Variants in CBFA2T3 observed in about 807,000 individuals in gnomAD.
CBFA2T3 encodes transcriptional corepressor CBFA2T3.
Under a neutral mutation model 58.6 loss-of-function variants are expected in CBFA2T3, and 31 were observed. That is an observed-to-expected ratio of 0.53 (90% CI 0.40 to 0.71). The LOEUF (loss-of-function observed/expected upper bound fraction) is 0.71. CBFA2T3 is among the 30% of genes least tolerant of loss of function. CBFA2T3 has a pLI of 0.00. For missense variants in CBFA2T3, 1,076 were observed against 963.1 expected, an observed-to-expected ratio of 1.12 and a Z score of -1.55; for synonymous variants, 531 against 421.9, an observed-to-expected ratio of 1.26 and a Z score of -3.17.
chr16:88,900,554 C>T (rs978203678), intron 2 of CBFA2T3, among the ~76,000 whole-genome samples: 1 of 152,158 alleles, frequency 6.6e-6, no homozygotes, highest in Non-Finnish European at 1.5e-5. Flanking sequence ...GCAAGCAGGA[C>T]GGAAGTCTCA....
At position 88,921,718 on chromosome 16, in the gene CBFA2T3, G is replaced by A. The variant is rs1173194984; in HGVS notation, c.152-20062C>T. Among the ~76,000 whole-genome samples the A allele has an allele frequency of 2.0e-5, 3 of 152,354 alleles. No homozygotes were observed. The South Asian group carries it at 6.2e-4, about 32-fold the overall frequency. On this transcript the variant is annotated intron_variant, in intron 1 of 11. Transcript: ENST00000268679. Reference sequence around the variant, plus strand: ...CAGGACCCCTGGGAATTAGGATCCTGTCAGCTGCCATTTCCTGAGCCGTAC... The same window carrying A: ...CAGGACCCCTGGGAATTAGGATCCTATCAGCTGCCATTTCCTGAGCCGTAC...
intron 1 of CBFA2T3, among the ~76,000 whole-genome samples, chr16:88,956,714 G>A (rs1972228598): frequency 6.6e-6 from 1 of 152,210 alleles, no homozygotes; most frequent in African/African-American, 2.4e-5. Flanking sequence ...CGGAGCCCTG[G>A]GAGAAAGAGG....
chr16:88,917,852 G>A (rs1168719231), intron 1 of CBFA2T3, among the ~76,000 whole-genome samples: 2 of 152,180 alleles, frequency 1.3e-5, no homozygotes, highest in Non-Finnish European at 2.9e-5. Flanking sequence ...GTGGACGACA[G>A]AGTGGGTGCG....
intron 1 of CBFA2T3, among the ~76,000 whole-genome samples, chr16:88,943,739 C>T (rs546625297): frequency 3.9e-5 from 6 of 152,304 alleles, no homozygotes; most frequent in African/African-American, 1.2e-4. Context: ...TCAGCCACAC[C>T]GACTTCCTGC....
intron 1 of CBFA2T3, among the ~76,000 whole-genome samples, chr16:88,920,560 C>T (rs1009594764): frequency 2.6e-5 from 4 of 151,998 alleles, no homozygotes; most frequent in Non-Finnish European, 5.9e-5. Flanking sequence ...GCTGGGATTA[C>T]AGGCGGAAGC....
At chr16:88,928,193 GAGTTTGGGGTGGTTTGTTCGGC>G (rs1313703067) in intron 1 of CBFA2T3, among the ~76,000 whole-genome samples, 2 of 152,234 alleles carry the variant, frequency 1.3e-5, no homozygotes, top group Non-Finnish European at 2.9e-5. Context: ...TCACGCCTCT[GAGTTTGGGGTGGTTTGTTCGGC>G]AGCACTGGGG....
chr16:88,895,456 C>T (rs1367127605), intron 3 of CBFA2T3, among the ~76,000 whole-genome samples: 4 of 152,212 alleles, frequency 2.6e-5, no homozygotes, highest in African/African-American at 4.8e-5. Flanking sequence ...ACATCCCATG[C>T]GGCAAATGGG....
intron 5 of CBFA2T3, among the ~76,000 whole-genome samples, chr16:88,888,141 C>G (rs747661223): frequency 2.9e-4 from 44 of 152,142 alleles, no homozygotes; most frequent in Non-Finnish European, 4.3e-4. Context: ...GATTCACCAC[C>G]CCAACTACGA....
chr16:88,901,512 G>C lies in CBFA2T3; in HGVS notation c.296C>G (p.Pro99Arg). Residue 99 changes from proline (P) to arginine (R), a missense_variant, in exon 2 of 12, where the codon CCA (proline) becomes CGA (arginine). By Grantham distance (103) the Pro-to-Arg change is moderately radical (BLOSUM62 -2). Transcript: ENST00000268679. Reference protein sequence around the residue: ...QGATRPPSFTPHTHREDGPAT... With the variant: ...QGATRPPSFTRHTHREDGPAT... ...AGGTGGGGGCTACTTACGTGTGTGTGGCGTGAAGGAGGGGGGGCGTGTGGC... is the reference window on the plus strand; with the variant it reads ...AGGTGGGGGCTACTTACGTGTGTGTCGCGTGAAGGAGGGGGGGCGTGTGGC... 1 of 1,473,544 alleles carries C rather than the reference G, an allele frequency of 6.8e-7. No homozygotes were observed. The highest frequency in any genetic ancestry group is 9.0e-7 in the Non-Finnish European group (1 of 1,115,746). The allele number at this position is 1,473,544 out of a possible 1,614,324, so 91.3% of individuals were successfully genotyped here. A position where few individuals can be genotyped will look rare whatever the true frequency, so the allele number is the denominator to read the frequency against.
At chr16:88,946,632 A>G (rs866063874) in intron 1 of CBFA2T3, among the ~76,000 whole-genome samples, 2 of 151,926 alleles carry the variant, frequency 1.3e-5, no homozygotes, top group African/African-American at 4.8e-5. Context: ...ACAGGCGCCC[A>G]CCATCACGCC....
chr16:88,945,538 A>G (rs578048462), intron 1 of CBFA2T3, among the ~76,000 whole-genome samples: 1 of 152,254 alleles, frequency 6.6e-6, no homozygotes, highest in Non-Finnish European at 1.5e-5. Context: ...GAAGAGATCT[A>G]GAAGATGATC....
rs183949565 is a variant in CBFA2T3 at position 88,914,131 on chromosome 16, T to C, written c.152-12475A>G. Reference sequence around the variant, plus strand: ...ACAACACTGCACACGGTCTCACAAATGTACAGCACTGCAAGCGGTCTCTCA... The same window carrying C: ...ACAACACTGCACACGGTCTCACAAACGTACAGCACTGCAAGCGGTCTCTCA... On this transcript the variant is annotated intron_variant, in intron 1 of 11. Transcript: ENST00000268679. Among the ~76,000 whole-genome samples the C allele has an allele frequency of 3.6e-3, 554 of 152,272 alleles. 1 individual carries two copies. Among genetic ancestry groups the C allele is most frequent in the African/African-American group, 0.013 (531 of 41,546 alleles).
At chr16:88,899,630 A>G (rs1367918981) in intron 2 of CBFA2T3, among the ~76,000 whole-genome samples, 1 of 152,088 alleles carries the variant, frequency 6.6e-6, no homozygotes, top group Non-Finnish European at 1.5e-5. Flanking sequence ...ACCTCCAGCC[A>G]GGAGCATCAG....
At chr16:88,913,829 A>G (rs575457737) in intron 1 of CBFA2T3, among the ~76,000 whole-genome samples, 1 of 152,158 alleles carries the variant, frequency 6.6e-6, no homozygotes, top group Non-Finnish European at 1.5e-5. Context: ...AAACTAAGGA[A>G]CCTGAAAATC....
At chr16:88,925,847 C>G (rs570227177) in intron 1 of CBFA2T3, among the ~76,000 whole-genome samples, 21 of 152,348 alleles carry the variant, frequency 1.4e-4, no homozygotes, top group African/African-American at 4.1e-4. Flanking sequence ...GTACCAAGGA[C>G]ATGGGTGGCA....
At chr16:88,886,442 C>T (rs1042769046) in intron 5 of CBFA2T3, 1 of 308,372 alleles carries the variant, frequency 3.2e-6, no homozygotes, top group African/African-American at 2.2e-5. Flanking sequence ...CCCACCGCAC[C>T]CAGCTCCCTC....
chr16:88,904,665 C>T (rs930030022), intron 1 of CBFA2T3, among the ~76,000 whole-genome samples: 10 of 152,202 alleles, frequency 6.6e-5, no homozygotes, highest in African/African-American at 2.4e-4. Context: ...CTCCAGGCCC[C>T]ACCCCGGGTT....
At position 88,935,038 on chromosome 16, in the gene CBFA2T3, C is replaced by A. The variant is rs540257454; in HGVS notation, c.152-33382G>T. Among the ~76,000 whole-genome samples the A allele has an allele frequency of 2.0e-5, 3 of 152,136 alleles. No individual in the cohort carries two copies. The South Asian group carries it at 6.2e-4, about 32-fold the overall frequency. Reference sequence around the variant, plus strand: ...TACAGGCGTAAGCCACCGTGCCTGGCCAGAAGGACGCATTCTTTAAGGGAG... The same window carrying A: ...TACAGGCGTAAGCCACCGTGCCTGGACAGAAGGACGCATTCTTTAAGGGAG... On this transcript the variant is annotated intron_variant, in intron 1 of 11. Transcript: ENST00000268679.
intron 1 of CBFA2T3, among the ~76,000 whole-genome samples, chr16:88,902,748 G>A (rs567407356): frequency 3.9e-5 from 6 of 152,328 alleles, no homozygotes; most frequent in East Asian, 1.9e-4. Flanking sequence ...CCTGCTATCC[G>A]TGGCTGAGAC....
Sources: allele counts gnomAD v4.1 joint callset (sites outside exome capture counted in the v4.1 genomes callset), GRCh38; gene constraint gnomAD v4.1.1; transcripts MANE v1.5; gene names NCBI Gene and HGNC (gene_info 2026-07-23, HGNC 2026-07-21).